The following CEP128 variants were observed in gnomAD, a reference collection of about 807,000 sequenced individuals.
The protein encoded by CEP128 is centrosomal protein 128kDa.
In CEP128, 132 loss-of-function variants were observed where a neutral mutation model predicts 156.7. The ratio of observed to expected loss-of-function variants is 0.84; its 90% CI spans 0.73 to 0.97. The LOEUF (loss-of-function observed/expected upper bound fraction) is 0.97, where lower values mean the gene tolerates loss of function less well. CEP128 is among the 50% of genes least tolerant of loss of function. The pLI, the probability that CEP128 is intolerant of heterozygous loss-of-function variation, is 0.00. For synonymous variants in CEP128, 469 were observed against 448.9 expected (o/e 1.04, Z -0.57); for missense variants, 1,252 against 1,281.9 (o/e 0.98, Z 0.36).
At chr14:80,679,110 A>G (rs1253858686) in intron 19 of CEP128, among the ~76,000 whole-genome samples, 1 of 152,154 alleles carries the variant, frequency 6.6e-6, no homozygotes, top group African/African-American at 2.4e-5. Flanking sequence ...TAAGCTGAGG[A>G]TATATGTCAC....
At position 80,728,340 on chromosome 14, in the gene CEP128, A is replaced by C. The variant is rs544791525; in HGVS notation, c.2806+14735T>G. ...ACACATGGACACAAAGATGGGCAAC[A>C]GTAGACACTGAGGCCTACATGAGGG... On this transcript the variant is annotated intron_variant, in intron 19 of 24. Coordinates refer to ENST00000555265, the MANE Select transcript of CEP128 (RefSeq NM_152446.5). Among the ~76,000 whole-genome samples, 7 of 152,288 alleles carry C rather than the reference A, an allele frequency of 4.6e-5. No homozygotes were observed. The South Asian group carries it at 1.2e-3, about 27-fold the overall frequency.
At chr14:80,778,670 A>G (rs936528226) in intron 15 of CEP128, among the ~76,000 whole-genome samples, 6 of 152,254 alleles carry the variant, frequency 3.9e-5, no homozygotes, top group Non-Finnish European at 8.8e-5. Context: ...TCAGTAGTGT[A>G]GTACAATATC....
intron 19 of CEP128, among the ~76,000 whole-genome samples, chr14:80,673,286 T>C (rs1213822664): frequency 6.6e-6 from 1 of 152,156 alleles, no homozygotes; most frequent in Non-Finnish European, 1.5e-5. Context: ...TTAAAAGAAA[T>C]ATATTATCAT....
chr14:80,565,252 A>T (rs1890863099), intron 20 of CEP128, among the ~76,000 whole-genome samples: 1 of 152,038 alleles, frequency 6.6e-6, no homozygotes, highest in African/African-American at 2.4e-5. Context: ...AATCTGGCCC[A>T]ACCAGTTCTG....
chr14:80,547,220 C>G (rs1239701762), intron 21 of CEP128, among the ~76,000 whole-genome samples: 1 of 152,124 alleles, frequency 6.6e-6, no homozygotes, highest in East Asian at 1.9e-4. Context: ...ACTCCATTTA[C>G]CAGTGAGCTT....
rs140972839 is a variant in CEP128, at chr14:80,763,143, G to A, written c.2377-1530C>T. 6.5e-3 allele frequency among the ~76,000 whole-genome samples: 988 copies of A among 152,262 alleles called. 11 individuals carry two copies. The highest frequency in any genetic ancestry group is 0.022 in the African/African-American group (931 of 41,558). On this transcript the variant is annotated intron_variant, in intron 16 of 24. Transcript: ENST00000555265. ...TAGGAAATTAGAGCAAGGGGAGTTTGTTTTATGAAACAATGTTCAAATGGC... is the reference window on the plus strand; with the variant it reads ...TAGGAAATTAGAGCAAGGGGAGTTTATTTTATGAAACAATGTTCAAATGGC...
rs143534646 is a variant in CEP128, at chr14:80,719,035, C to T, written c.2806+24040G>A. Among the ~76,000 whole-genome samples the T allele has an allele frequency of 2.1e-4, 32 of 152,236 alleles. No individual in the cohort carries two copies. In the East Asian group the frequency reaches 6.2e-3, roughly 29 times the overall value. ...CTGTCAGGATTTGGTAAAGTGAGGC[C>T]ATCAGCAGGAACCGGCAGATGGCAA... On this transcript the variant is annotated intron_variant, in intron 19 of 24. Transcript: ENST00000555265.
At chr14:80,929,671 C>T (rs1885344398) in intron 2 of CEP128, among the ~76,000 whole-genome samples, 1 of 152,014 alleles carries the variant, frequency 6.6e-6, no homozygotes, top group Non-Finnish European at 1.5e-5. Flanking sequence ...GCTATGAGTA[C>T]ACAAAGACAT....
chr14:80,830,839 T>C (rs1213362309), intron 13 of CEP128: 3 of 252,736 alleles, frequency 1.2e-5, no homozygotes, highest in Admixed American at 5.2e-5. Context: ...CCCTTCTGTC[T>C]GTAGAAAGGG....
intron 19 of CEP128, among the ~76,000 whole-genome samples, chr14:80,604,006 A>G (rs1421358326): frequency 1.3e-5 from 2 of 152,228 alleles, no homozygotes; most frequent in East Asian, 3.8e-4. Context: ...TGAATGTTAC[A>G]GGTAAAAACA....
intron 14 of CEP128, among the ~76,000 whole-genome samples, chr14:80,787,337 C>G (rs1901463239): frequency 6.6e-6 from 1 of 152,132 alleles, no homozygotes; most frequent in Non-Finnish European, 1.5e-5. Context: ...AGCGATTATT[C>G]TGAACTTCTA....
chr14:80,602,634 A>T (rs1892626029), intron 19 of CEP128, among the ~76,000 whole-genome samples: 1 of 152,086 alleles, frequency 6.6e-6, no homozygotes. Context: ...TTAGCCAGGC[A>T]TGGTGGCATG....
intron 19 of CEP128, among the ~76,000 whole-genome samples, chr14:80,686,364 G>A (rs1896523949): frequency 6.6e-6 from 1 of 152,026 alleles, no homozygotes; most frequent in African/African-American, 2.4e-5. Flanking sequence ...ATCATTTTTA[G>A]ACAAGCAAAT....
intron 20 of CEP128, among the ~76,000 whole-genome samples, chr14:80,564,875 A>G (rs188806666): frequency 1.3e-5 from 2 of 152,230 alleles, no homozygotes. Context: ...CCTGGCTAAC[A>G]TGGCGAAACC....
chr14:80,608,768 G>A (rs569860878), intron 19 of CEP128, among the ~76,000 whole-genome samples: 2 of 152,234 alleles, frequency 1.3e-5, no homozygotes, highest in Middle Eastern at 3.4e-3. Context: ...GCTTTCCCAC[G>A]TGGGGTTAGA....
intron 19 of CEP128, among the ~76,000 whole-genome samples, chr14:80,658,858 G>C (rs1895281787): frequency 6.6e-6 from 1 of 152,122 alleles, no homozygotes; most frequent in African/African-American, 2.4e-5. Context: ...TACCACCCTA[G>C]ATGAACAGTT....
intron 13 of CEP128, among the ~76,000 whole-genome samples, chr14:80,816,826 TCAAA>T (rs1229612522): frequency 2.0e-5 from 3 of 151,862 alleles, no homozygotes; most frequent in Admixed American, 6.6e-5. Flanking sequence ...AACAAAAAAA[TCAAA>T]CAAAGAGACG....
chr14:80,840,504 C>T (rs545553103), intron 10 of CEP128, among the ~76,000 whole-genome samples, 178 bp downstream of exon 10: 1 of 152,204 alleles, frequency 6.6e-6, no homozygotes, highest in African/African-American at 2.4e-5. Flanking sequence ...ACTTGCTTAT[C>T]TGTTTTCAAG....
chr14:80,737,051 T>C (rs911104490), intron 19 of CEP128, among the ~76,000 whole-genome samples: 39 of 152,332 alleles, frequency 2.6e-4, no homozygotes, highest in African/African-American at 9.4e-4. Flanking sequence ...TAAAAAATTA[T>C]GATTTGACTC....
Sources: gnomAD v4.1 joint callset for allele counts (sites outside exome capture counted in the v4.1 genomes callset) on GRCh38, gnomAD v4.1.1 for gene constraint, MANE v1.5 for transcripts, NCBI Gene and HGNC (gene_info 2026-07-23, HGNC 2026-07-21) for gene names.